The following SAMSN1 variants were observed in gnomAD, a reference collection of about 807,000 sequenced individuals.
SAMSN1 encodes SAM domain, SH3 domain and nuclear localization signals 1.
Under a neutral mutation model 42.0 loss-of-function variants are expected in SAMSN1, and 31 were observed. That is an observed-to-expected ratio of 0.74 (90% CI 0.55 to 1.00). The LOEUF (loss-of-function observed/expected upper bound fraction) is 1.00. SAMSN1 is among the 50% of genes least tolerant of loss of function. SAMSN1 has a pLI of 0.00. For missense variants in SAMSN1, 464 were observed against 439.4 expected (o/e 1.06, Z -0.50); for synonymous variants, 178 against 151.9 (o/e 1.17, Z -1.26).
chr21:14,525,858 CTTTA>C (rs1489222828), intron 1 of SAMSN1, among the ~76,000 whole-genome samples: 1 of 151,988 alleles, frequency 6.6e-6, no homozygotes, highest in Non-Finnish European at 1.5e-5. Flanking sequence ...GGTCTCATAA[CTTTA>C]TTTATTTATT....
intron 6 of SAMSN1, among the ~76,000 whole-genome samples, chr21:14,598,513 C>T (rs1982336703): frequency 1.3e-5 from 2 of 152,084 alleles, no homozygotes; most frequent in Non-Finnish European, 2.9e-5. Flanking sequence ...CAAGCTCTAC[C>T]CATCAGCACT....
intron 5 of SAMSN1, among the ~76,000 whole-genome samples, chr21:14,604,086 A>G (rs1331769695): frequency 2.0e-5 from 3 of 152,232 alleles, no homozygotes; most frequent in Non-Finnish European, 4.4e-5. Context: ...TAAATTAGGC[A>G]CACTTAAACC....
chr21:14,625,018 G>A (rs913022918), intron 2 of SAMSN1, among the ~76,000 whole-genome samples: 1 of 152,076 alleles, frequency 6.6e-6, no homozygotes, highest in African/African-American at 2.4e-5. Flanking sequence ...CAGAACCAAC[G>A]ACAAAAACCA....
intron 2 of SAMSN1, among the ~76,000 whole-genome samples, chr21:14,628,405 G>A (rs1477413799): frequency 6.6e-6 from 1 of 151,730 alleles, no homozygotes; most frequent in African/African-American, 2.4e-5. Context: ...TACAATTATT[G>A]TGTCAACTAA....
chr21:14,618,913 T>G (rs1474323724), intron 2 of SAMSN1, among the ~76,000 whole-genome samples: 1 of 152,214 alleles, frequency 6.6e-6, no homozygotes, highest in Non-Finnish European at 1.5e-5. Flanking sequence ...AGGGAATGTG[T>G]GGCTTAATTT....
At chr21:14,568,540 C>T (rs1461783962) in intron 2 of SAMSN1, among the ~76,000 whole-genome samples, 1 of 152,192 alleles carries the variant, frequency 6.6e-6, no homozygotes, top group African/African-American at 2.4e-5. Context: ...TCCACAAGTA[C>T]TCTTCATTCC....
intron 1 of SAMSN1, among the ~76,000 whole-genome samples, chr21:14,533,898 T>C (rs970416679): frequency 6.6e-6 from 1 of 152,206 alleles, no homozygotes; most frequent in African/African-American, 2.4e-5. Context: ...GGTACACATC[T>C]CACCTAAGAG....
At chr21:14,611,451 A>C (rs1982705307) in intron 4 of SAMSN1, among the ~76,000 whole-genome samples, 1 of 152,234 alleles carries the variant, frequency 6.6e-6, no homozygotes, top group Non-Finnish European at 1.5e-5. Context: ...TAGCATGAAG[A>C]CAAACTCAGC....
intron 2 of SAMSN1, among the ~76,000 whole-genome samples, chr21:14,581,356 T>TTTTTC (rs1981720058): frequency 2.0e-5 from 2 of 100,786 alleles, no homozygotes; most frequent in Non-Finnish European, 4.1e-5. Context: ...TTTTTTTTTT[T>TTTTTC]TTTTTTTTTT....
upstream of SAMSN1, among the ~76,000 whole-genome samples, chr21:14,549,494 C>T (rs1247981728): frequency 6.6e-6 from 1 of 152,040 alleles, no homozygotes; most frequent in Non-Finnish European, 1.5e-5. Flanking sequence ...TTATGCATGC[C>T]TCTGTGTATT....
intron 1 of SAMSN1, among the ~76,000 whole-genome samples, chr21:14,531,318 TAGTGTCATTAATCTAAA>T (rs1394293788): frequency 1.3e-5 from 2 of 152,140 alleles, no homozygotes; most frequent in Non-Finnish European, 2.9e-5. Flanking sequence ...GTATTTTGTA[TAGTGTCATTAATCTAAA>T]AGACAAACTA....
intron 1 of SAMSN1, among the ~76,000 whole-genome samples, chr21:14,646,073 A>G (rs1983707955): frequency 6.6e-6 from 1 of 152,220 alleles, no homozygotes; most frequent in South Asian, 2.1e-4. Context: ...GAGGACGTAG[A>G]TAAAGAGATA....
Position 14,507,903 on chromosome 21 carries a change from A to G in SAMSN1, c.561+2407T>C, listed in dbSNP as rs547353134. 3.9e-5 allele frequency among the ~76,000 whole-genome samples: 6 copies of G among 152,256 alleles called. No individual in the cohort carries two copies. The East Asian group carries it at 9.6e-4, about 24-fold the overall frequency. On this transcript the variant is annotated intron_variant, in intron 5 of 7. Transcript: ENST00000400566. ...AAAGAGAACCCAGAAATAAATCCAC[A>G]TACTTAACGGCCAACTGATTTTTGA...
intron 7 of SAMSN1, among the ~76,000 whole-genome samples, chr21:14,591,758 T>C (rs987114008): frequency 6.6e-6 from 1 of 152,170 alleles, no homozygotes; most frequent in Admixed American, 6.6e-5. Context: ...ATAGTCTTAT[T>C]CCACTGTAAA....
At chr21:14,541,103 A>T (rs888196417) in intron 1 of SAMSN1, among the ~76,000 whole-genome samples, 1 of 132,632 alleles carries the variant, frequency 7.5e-6, no homozygotes, top group Non-Finnish European at 1.6e-5. Context: ...GACACAGGGC[A>T]GGGAACATCA....
upstream of SAMSN1, chr21:14,583,869 T>A: frequency 1.6e-6 from 1 of 619,154 alleles, no homozygotes. Context: ...GAAAAATTAA[T>A]AATGTGACCT....
chr21:14,626,065 T>A (rs1245242667), intron 2 of SAMSN1, among the ~76,000 whole-genome samples: 1 of 152,242 alleles, frequency 6.6e-6, no homozygotes, highest in East Asian at 1.9e-4. Context: ...CTGGGAATAC[T>A]GGCTAGTCAT....
chr21:14,641,608 T>C (rs1386638867), intron 2 of SAMSN1, among the ~76,000 whole-genome samples: 5 of 152,160 alleles, frequency 3.3e-5, no homozygotes, highest in Non-Finnish European at 2.9e-5. Flanking sequence ...TCTATTACCT[T>C]ACAAAAATAA....
intron 2 of SAMSN1, among the ~76,000 whole-genome samples, chr21:14,636,402 G>A (rs554013136): frequency 3.0e-3 from 462 of 152,078 alleles, no homozygotes; most frequent in African/African-American, 3.9e-3. Flanking sequence ...CACTGCCACC[G>A]CACACACTTG....
Sources: gnomAD v4.1 joint callset for allele counts (sites outside exome capture counted in the v4.1 genomes callset) on GRCh38, gnomAD v4.1.1 for gene constraint, MANE v1.5 for transcripts, NCBI Gene and HGNC (gene_info 2026-07-23, HGNC 2026-07-21) for gene names.